The following PLEKHA1 variants were observed in gnomAD, a reference collection of about 807,000 sequenced individuals.
The protein encoded by PLEKHA1 is pleckstrin homology domain containing A1, also known as pleckstrin homology domain-containing family A member 1.
Under a neutral mutation model 52.0 loss-of-function variants are expected in PLEKHA1, and 34 were observed. The observed-to-expected ratio is 0.65, with a 90% CI of 0.50 to 0.87. The LOEUF (loss-of-function observed/expected upper bound fraction) is 0.87. PLEKHA1 is among the 40% of genes least tolerant of loss of function. PLEKHA1 has a pLI of 0.00. For missense variants in PLEKHA1, 497 were observed against 504.2 expected (o/e 0.99, Z 0.14); for synonymous variants, 163 against 170.7 (o/e 0.95, Z 0.35).
chr10:122,428,199 T>TG, intron 11 of PLEKHA1: 1 of 1,337,810 alleles, frequency 7.5e-7, no homozygotes, highest in Non-Finnish European at 9.8e-7. Context: ...TAGCTATGAC[T>TG]GTCAGCACAA....
intron 1 of PLEKHA1, among the ~76,000 whole-genome samples, chr10:122,389,266 G>A (rs1191999124): frequency 6.6e-6 from 1 of 152,232 alleles, no homozygotes; most frequent in African/African-American, 2.4e-5. Flanking sequence ...CTGCAGAATG[G>A]ATGTTGTGTT....
At position 122,424,171 on chromosome 10, in the gene PLEKHA1, G is replaced by GTTTCTT. The variant is rs758904148; in HGVS notation, c.682-25_682-24insCTTTTT. 84 of 955,704 alleles carry GTTTCTT rather than the reference G, an allele frequency of 8.8e-5. 3 individuals are homozygous for GTTTCTT. The highest frequency in any genetic ancestry group is 3.5e-4 in the South Asian group (17 of 48,166). The allele number at this position is 955,704 out of a possible 1,614,324, so 59.2% of individuals were successfully genotyped here. A position where few individuals can be genotyped will look rare whatever the true frequency, so the allele number is the denominator to read the frequency against. On this transcript the variant is annotated intron_variant, in intron 8 of 11. Coordinates refer to ENST00000368990, the MANE Select transcript of PLEKHA1 (RefSeq NM_001001974.4). ...TTTTAAGAATAAACATCATGTAACTGTTTTTTTTTTTTTTTTTTTTTTGCC... is the reference window on the plus strand; with the variant it reads ...TTTTAAGAATAAACATCATGTAACTGTTTCTTTTTTTTTTTTTTTTTTTTTTTTGCC...
chr10:122,390,757 A>G (rs1418486245), intron 1 of PLEKHA1, among the ~76,000 whole-genome samples: 1 of 152,204 alleles, frequency 6.6e-6, no homozygotes, highest in Non-Finnish European at 1.5e-5. Context: ...TAAAAACTCC[A>G]ATATCTGTGA....
chr10:122,421,265 G>A (rs1026840175), intron 8 of PLEKHA1: 21 of 152,142 alleles, frequency 1.4e-4, no homozygotes, highest in Admixed American at 1.0e-3. Flanking sequence ...CCCAAGGTAT[G>A]TAATCAGAAT....
intron 1 of PLEKHA1, among the ~76,000 whole-genome samples, chr10:122,378,159 G>A (rs1053818480): frequency 2.6e-5 from 4 of 152,190 alleles, no homozygotes; most frequent in African/African-American, 9.6e-5. Context: ...AGTGATGTCA[G>A]AGGGCTTCTA....
At position 122,393,207 on chromosome 10, in the gene PLEKHA1, T is replaced by C. The variant is rs1462514919; in HGVS notation, c.7T>C (p.Tyr3His). The change falls in exon 2 of 12, where the codon TAT becomes CAT. Residue 3 changes from tyrosine to histidine, a missense_variant. Coordinates refer to ENST00000368990, the MANE Select transcript of PLEKHA1 (RefSeq NM_001001974.4). The surrounding 1 kb of genome is among the most constrained non-coding windows in gnomAD (Gnocchi z 4.5). The part of the protein sequence containing the change: MP[Y>H]VDRQNRICGF... Reference sequence around the variant, plus strand: ...GTAATGTTCAAGCTCAGAAATGCCTTATGTGGATCGTCAGAATCGCATTTG... The same window carrying C: ...GTAATGTTCAAGCTCAGAAATGCCTCATGTGGATCGTCAGAATCGCATTTG... 6.2e-7 allele frequency: 1 copy of C among 1,611,228 alleles called. No homozygotes were observed. The highest frequency in any genetic ancestry group is 2.2e-5 in the East Asian group (1 of 44,798).
chr10:122,401,762 T>A (rs1419753661), intron 4 of PLEKHA1, among the ~76,000 whole-genome samples: 1 of 152,066 alleles, frequency 6.6e-6, no homozygotes, highest in Admixed American at 6.5e-5. Flanking sequence ...TGGACATGAG[T>A]GACTGAAGGA....
chr10:122,376,017 A>T (rs2096529362), intron 1 of PLEKHA1, among the ~76,000 whole-genome samples: 1 of 152,178 alleles, frequency 6.6e-6, no homozygotes, highest in Non-Finnish European at 1.5e-5. Context: ...ACTCCTGATC[A>T]ATCTGCTTTA....
intron 1 of PLEKHA1, among the ~76,000 whole-genome samples, chr10:122,375,861 T>C (rs2096526972): frequency 6.6e-6 from 1 of 152,246 alleles, no homozygotes; most frequent in Non-Finnish European, 1.5e-5. Flanking sequence ...CAATTGATCG[T>C]TGTTTTAATA....
chr10:122,424,382 CT>C (rs1261428724), intron 9 of PLEKHA1, 119 bp downstream of exon 9: 9 of 1,159,170 alleles, frequency 7.8e-6, no homozygotes, highest in Non-Finnish European at 9.3e-6. Flanking sequence ...ATTTTTAACT[CT>C]TTATAGTTGA....
At chr10:122,381,804 G>A (rs1365718989) in intron 1 of PLEKHA1, among the ~76,000 whole-genome samples, 1 of 152,202 alleles carries the variant, frequency 6.6e-6, no homozygotes. Flanking sequence ...GCTGGATCAG[G>A]ATTCTGAGGG....
intron 1 of PLEKHA1, among the ~76,000 whole-genome samples, chr10:122,376,650 CT>C (rs1008250685): frequency 2.0e-5 from 3 of 152,014 alleles, no homozygotes; most frequent in South Asian, 2.1e-4. Flanking sequence ...AGGTTTGTAT[CT>C]TTTTTTCTCC....
intron 11 of PLEKHA1, chr10:122,428,331 C>T: frequency 6.5e-7 from 1 of 1,546,444 alleles, no homozygotes; most frequent in Non-Finnish European, 8.7e-7. Context: ...ACATCAAGAG[C>T]TGGTGAATGC....
intron 1 of PLEKHA1, among the ~76,000 whole-genome samples, chr10:122,379,204 C>T (rs1387239636): frequency 3.9e-5 from 6 of 152,102 alleles, no homozygotes; most frequent in African/African-American, 1.2e-4. Flanking sequence ...CCACTGGTTA[C>T]GTGAATGTGT....
At chr10:122,397,823 A>C in intron 2 of PLEKHA1, 95 bp from the exon 3 acceptor site, 1 of 955,190 alleles carries the variant, frequency 1.0e-6, no homozygotes, top group East Asian at 2.7e-5. Flanking sequence ...TAAAAAATTG[A>C]GTTTTTAACT....
chr10:122,406,482 G>T, intron 4 of PLEKHA1, 94 bp from the exon 5 acceptor site: 2 of 902,024 alleles, frequency 2.2e-6, no homozygotes, highest in South Asian at 2.8e-5. Flanking sequence ...CGAGAGTCAC[G>T]GTGTTGAACT....
In PLEKHA1 at chr10:122,413,011, T is replaced by C; in HGVS notation, c.434T>C (p.Ile145Thr). The C allele has an allele frequency of 1.9e-6, 3 of 1,613,488 alleles. No individual in the cohort carries two copies. The highest frequency in any genetic ancestry group is 2.5e-6 in the Non-Finnish European group (3 of 1,179,562). The change falls in exon 6 of 12, where the codon ATT becomes ACT. Residue 145 changes from isoleucine (I) to threonine (T), a missense_variant. Transcript: ENST00000368990. ...AAGCAAGTGTCTTACAGAACTGATA[T>C]TGTTGGTGGCGTACCCATCATTACT... ...GKKQVSYRTD[I>T]VGGVPIITPT...
At chr10:122,389,130 A>G (rs932585390) in intron 1 of PLEKHA1, among the ~76,000 whole-genome samples, 4 of 152,194 alleles carry the variant, frequency 2.6e-5, no homozygotes, top group Admixed American at 2.0e-4. Context: ...AAAATTTTCA[A>G]TTTACTTTGC....
intron 1 of PLEKHA1, among the ~76,000 whole-genome samples, chr10:122,379,432 G>C (rs201996453): frequency 0.051 from 7,736 of 152,234 alleles, 253 homozygotes; most frequent in East Asian, 0.14. Context: ...GTAGACACAT[G>C]GGGTCAGTCA....
Sources: allele counts gnomAD v4.1 joint callset (sites outside exome capture counted in the v4.1 genomes callset), GRCh38; gene constraint gnomAD v4.1.1; non-coding constraint Gnocchi (gnomAD v3.1); transcripts MANE v1.5; gene names NCBI Gene and HGNC (gene_info 2026-07-23, HGNC 2026-07-21).